Variants in GATAD2B observed in about 807,000 individuals in gnomAD.
GATAD2B encodes transcriptional repressor p66-beta.
GATAD2B carries 8 observed loss-of-function variants against 64.3 expected under a neutral mutation model. The observed-to-expected ratio is 0.12, with a 90% CI of 0.07 to 0.22. The LOEUF (loss-of-function observed/expected upper bound fraction) is 0.22, where lower values mean the gene tolerates loss of function less well. Ranked by LOEUF, GATAD2B falls within the 10% of genes least tolerant of loss-of-function variation. GATAD2B has a pLI of 1.00. For synonymous variants in GATAD2B, 281 were observed against 271.3 expected, an observed-to-expected ratio of 1.04 and a Z score of -0.35; for missense variants, 453 against 752.0, an observed-to-expected ratio of 0.60 and a Z score of 4.65.
chr1:153,921,233 A>T (rs1557837966), intron 1 of GATAD2B, among the ~76,000 whole-genome samples: 1 of 152,230 alleles, frequency 6.6e-6, no homozygotes, highest in East Asian at 1.9e-4. Context: ...CACCAACAAC[A>T]TATAGGCACC....
chr1:153,889,457 CCATG>C (rs1177557894), intron 1 of GATAD2B, among the ~76,000 whole-genome samples: 11 of 147,086 alleles, frequency 7.5e-5, no homozygotes, highest in Non-Finnish European at 1.0e-4. Context: ...AAAGAATGTA[CCATG>C]TATATTTATA....
At chr1:153,843,021 G>A (rs960206982) in intron 1 of GATAD2B, among the ~76,000 whole-genome samples, 2 of 146,810 alleles carry the variant, frequency 1.4e-5, no homozygotes, top group Admixed American at 7.0e-5. Flanking sequence ...GGACCATGTC[G>A]GCTCACTGCA....
In GATAD2B at chr1:153,828,173, C is replaced by T; in HGVS notation, c.175G>A (p.Val59Met). 6.2e-6 allele frequency: 10 copies of T among 1,614,178 alleles called. No homozygotes were observed. The highest frequency in any genetic ancestry group is 2.2e-5 in the South Asian group (2 of 91,078). The change falls in exon 2 of 11, where the codon GTG (valine) becomes ATG (methionine). Residue 59 changes from valine (V) to methionine (M), a missense_variant. Physicochemically the swap from Val to Met is conservative, Grantham distance 21. Around this residue, in one of 2 missense-constraint regions of GATAD2B, gnomAD observed 293 missense variants for 417.2 expected, o/e 0.70. Coordinates refer to ENST00000368655, the MANE Select transcript of GATAD2B (RefSeq NM_020699.4). Reference sequence around the variant, plus strand: ...TGTTTGGTGGGTAACTCATGTGGCACCTCAAGATTTGCCAAATCCTTCCTT... The same window carrying T: ...TGTTTGGTGGGTAACTCATGTGGCATCTCAAGATTTGCCAAATCCTTCCTT... ...LKRKDLANLE[V>M]PHELPTKQDG...
intron 1 of GATAD2B, among the ~76,000 whole-genome samples, chr1:153,893,900 G>A (rs559321949): frequency 7.1e-6 from 1 of 140,960 alleles, no homozygotes; most frequent in South Asian, 2.4e-4. Flanking sequence ...GGGGGCTGCA[G>A]TGAGCCGAGA....
intron 1 of GATAD2B, among the ~76,000 whole-genome samples, chr1:153,896,912 C>T (rs949172445): frequency 1.1e-4 from 16 of 152,058 alleles, no homozygotes; most frequent in African/African-American, 3.6e-4. Context: ...TCCAAGGCAA[C>T]ATTAGTAAGA....
chr1:153,892,694 T>C (rs1239615140), intron 1 of GATAD2B, among the ~76,000 whole-genome samples: 1 of 36,828 alleles, frequency 2.7e-5, no homozygotes, highest in African/African-American at 1.2e-4. Flanking sequence ...TAAGAAACCT[T>C]TTTTTTTTTT....
At chr1:153,883,817 G>A (rs145237674) in intron 1 of GATAD2B, among the ~76,000 whole-genome samples, 10 of 152,158 alleles carry the variant, frequency 6.6e-5, no homozygotes, top group South Asian at 4.2e-4. Flanking sequence ...TGTAGAGGCT[G>A]AGGCAGTACT....
intron 1 of GATAD2B, among the ~76,000 whole-genome samples, chr1:153,915,744 A>T (rs1206573481): frequency 3.5e-5 from 5 of 144,282 alleles, no homozygotes; most frequent in African/African-American, 1.1e-4. Flanking sequence ...GTCTATATAA[A>T]AAAAAAAAAA....
chr1:153,876,712 T>C (rs1676847479), intron 1 of GATAD2B, among the ~76,000 whole-genome samples: 1 of 152,022 alleles, frequency 6.6e-6, no homozygotes, highest in Non-Finnish European at 1.5e-5. Context: ...TTAGAAAAGG[T>C]GATATGAGAG....
intron 1 of GATAD2B, chr1:153,853,020 T>G: frequency 7.4e-7 from 1 of 1,347,736 alleles, no homozygotes; most frequent in Non-Finnish European, 1.1e-6. Context: ...CCATCAACCC[T>G]GTGATGAATC....
chr1:153,838,519 C>T (rs1675355172), intron 1 of GATAD2B, among the ~76,000 whole-genome samples: 1 of 151,728 alleles, frequency 6.6e-6, no homozygotes, highest in Non-Finnish European at 1.5e-5. Context: ...TTTTTTCCCC[C>T]TTTTTTGAGT....
chr1:153,904,974 T>A (rs1311449207), intron 1 of GATAD2B, among the ~76,000 whole-genome samples: 1 of 152,100 alleles, frequency 6.6e-6, no homozygotes, highest in East Asian at 1.9e-4. Context: ...CCCGAAGTGC[T>A]GGGATTACAT....
At chr1:153,854,127 G>C (rs1676000643) in intron 1 of GATAD2B, among the ~76,000 whole-genome samples, 1 of 152,114 alleles carries the variant, frequency 6.6e-6, no homozygotes. Context: ...TTTAGGCCAG[G>C]CACGGTGGCT....
intron 1 of GATAD2B, among the ~76,000 whole-genome samples, chr1:153,849,281 G>A (rs1273226606): frequency 6.6e-6 from 1 of 152,202 alleles, no homozygotes; most frequent in Non-Finnish European, 1.5e-5. Flanking sequence ...CATAGCAGAT[G>A]GCAAAGAGAG....
At chr1:153,908,649 G>A (rs1270514847) in intron 1 of GATAD2B, among the ~76,000 whole-genome samples, 2 of 151,606 alleles carry the variant, frequency 1.3e-5, no homozygotes, top group Admixed American at 1.3e-4. Flanking sequence ...TATGCTTTTA[G>A]TAGAAACAGG....
At chr1:153,918,715 G>A (rs1443122810) in intron 1 of GATAD2B, among the ~76,000 whole-genome samples, 5 of 152,172 alleles carry the variant, frequency 3.3e-5, no homozygotes, top group African/African-American at 7.2e-5. Flanking sequence ...CACTTTGGGA[G>A]GCTGAGGTGG....
At chr1:153,833,602 G>A (rs1675151544) in intron 1 of GATAD2B, among the ~76,000 whole-genome samples, 1 of 152,016 alleles carries the variant, frequency 6.6e-6, no homozygotes, top group Non-Finnish European at 1.5e-5. Flanking sequence ...ATCACCTAAG[G>A]TCAAGAGTTC....
chr1:153,811,705 A>G, intron 10 of GATAD2B, 26 bp downstream of exon 10: 1 of 1,391,352 alleles, frequency 7.2e-7, no homozygotes, highest in Non-Finnish European at 1.0e-6. Context: ...ACCCATGAGA[A>G]ACATTTTCAG....
chr1:153,828,846 A>C lies in GATAD2B; in HGVS notation c.-1-498T>G, dbSNP rs1039913553. Among the ~76,000 whole-genome samples, 5 of 152,152 alleles carry C rather than the reference A, an allele frequency of 3.3e-5. No individual in the cohort carries two copies. The South Asian group carries it at 1.0e-3, about 32-fold the overall frequency. On this transcript the variant is annotated intron_variant, in intron 1 of 10. Coordinates refer to ENST00000368655, the MANE Select transcript of GATAD2B (RefSeq NM_020699.4). ...TTTTTTTCTTTACTCATGAAGAAAAAGTGTTAACGACAAGCTAATTAATCA... is the reference window on the plus strand; with the variant it reads ...TTTTTTTCTTTACTCATGAAGAAAACGTGTTAACGACAAGCTAATTAATCA...
Sources: allele counts gnomAD v4.1 joint callset (sites outside exome capture counted in the v4.1 genomes callset), GRCh38; gene constraint gnomAD v4.1.1; regional missense constraint gnomAD v4.1.1; transcripts MANE v1.5; gene names NCBI Gene and HGNC (gene_info 2026-07-23, HGNC 2026-07-21).